MDGA2: variants seen among roughly 807,000 people sequenced by gnomAD.
MDGA2 encodes the protein MAM domain-containing glycosylphosphatidylinositol anchor protein 2.
Under a neutral mutation model 117.8 loss-of-function variants are expected in MDGA2, and 40 were observed. That is an observed-to-expected ratio of 0.34 (90% CI 0.26 to 0.44). The LOEUF (loss-of-function observed/expected upper bound fraction) is 0.44, where lower values mean the gene tolerates loss of function less well. Among genes scored for constraint, MDGA2 ranks in the 20% least tolerant of loss-of-function variants. The pLI is 1.00. For synonymous variants in MDGA2, 452 were observed against 439.0 expected (o/e 1.03, Z -0.37); for missense variants, 1,123 against 1,250.6 (o/e 0.90, Z 1.54).
At chr14:47,420,511 A>C (rs967135072) in intron 1 of MDGA2, among the ~76,000 whole-genome samples, 2 of 152,176 alleles carry the variant, frequency 1.3e-5, no homozygotes, top group Non-Finnish European at 2.9e-5. Context: ...AGTAGAGGAG[A>C]AGAAAGAAGT....
chr14:47,525,774 G>T (rs1263106666), intron 1 of MDGA2, among the ~76,000 whole-genome samples: 3 of 150,680 alleles, frequency 2.0e-5, no homozygotes, highest in Admixed American at 6.6e-5. Flanking sequence ...TTTTATTATG[G>T]TGTGTCCAGA....
At chr14:46,973,812 G>A (rs1425690952) in intron 8 of MDGA2, among the ~76,000 whole-genome samples, 3 of 151,924 alleles carry the variant, frequency 2.0e-5, no homozygotes, top group Admixed American at 6.6e-5. Context: ...TTAAATAGCT[G>A]TTATAACAAA....
At chr14:46,958,819 CAT>C (rs1285647805) in intron 8 of MDGA2, among the ~76,000 whole-genome samples, 9 of 152,170 alleles carry the variant, frequency 5.9e-5, no homozygotes, top group Admixed American at 1.3e-4. Context: ...AAATAGTCCA[CAT>C]GTTTTCAATC....
At chr14:47,577,699 T>C (rs1896141471) in intron 1 of MDGA2, among the ~76,000 whole-genome samples, 1 of 152,168 alleles carries the variant, frequency 6.6e-6, no homozygotes, top group Non-Finnish European at 1.5e-5. Context: ...TCAACATCAC[T>C]GATCATTAGA....
intron 8 of MDGA2, among the ~76,000 whole-genome samples, chr14:47,029,359 C>T (rs1888580998): frequency 1.3e-5 from 2 of 152,062 alleles, no homozygotes; most frequent in Admixed American, 1.3e-4. Flanking sequence ...TATTTTCTTT[C>T]ATAATTTTTC....
At chr14:46,839,908 T>G (rs1880539841), downstream of MDGA2, among the ~76,000 whole-genome samples, 1 of 152,018 alleles carries the variant, frequency 6.6e-6, no homozygotes. Context: ...AAGGTTTAAC[T>G]GCTTTCTGCA....
At chr14:47,145,654 T>A (rs1882912959) in intron 3 of MDGA2, among the ~76,000 whole-genome samples, 1 of 152,130 alleles carries the variant, frequency 6.6e-6, no homozygotes, top group African/African-American at 2.4e-5. Flanking sequence ...GGTCTTCAAT[T>A]TCCTTGTCAG....
intron 6 of MDGA2, among the ~76,000 whole-genome samples, chr14:47,082,858 T>C (rs1013172058): frequency 2.0e-5 from 3 of 151,904 alleles, no homozygotes; most frequent in Non-Finnish European, 2.9e-5. Flanking sequence ...ATGAAAAATT[T>C]TGCCAGATAA....
intron 2 of MDGA2, among the ~76,000 whole-genome samples, chr14:47,233,491 C>T (rs988984187): frequency 1.3e-5 from 2 of 151,888 alleles, no homozygotes; most frequent in African/African-American, 4.8e-5. Context: ...CTTAAAAATC[C>T]AAATTTGTAC....
intron 1 of MDGA2, among the ~76,000 whole-genome samples, chr14:47,573,184 T>G (rs1022149919): frequency 3.9e-5 from 6 of 152,108 alleles, no homozygotes; most frequent in Non-Finnish European, 8.8e-5. Context: ...CCTGGAAACA[T>G]TAACAGATAT....
At position 47,218,036 on chromosome 14, in the gene MDGA2, T is replaced by A. The variant is rs1193329364; in HGVS notation, c.580A>T (p.Arg194Ter). The A allele has an allele frequency of 6.5e-7, 1 of 1,549,780 alleles. No individual in the cohort carries two copies. Reference sequence around the variant, plus strand: ...ATTTACTTACAGTATACATCCACTCTGATTGACTTTATCGCTGGAGACCCC... The same window carrying A: ...ATTTACTTACAGTATACATCCACTCAGATTGACTTTATCGCTGGAGACCCC... The part of the protein sequence containing the change: ...GLGSPAIKSI[R>*]VDVYYLDDPV... The change falls in exon 3 of 17, where the codon AGA becomes TGA. Residue 194 changes from arginine to a stop codon, truncating the protein, a stop_gained. Coordinates refer to ENST00000399232, the MANE Select transcript of MDGA2 (RefSeq NM_001113498.3). LOFTEE classifies it high-confidence loss of function.
intron 1 of MDGA2, among the ~76,000 whole-genome samples, chr14:47,375,124 G>T (rs1891448983): frequency 6.7e-6 from 1 of 149,976 alleles, no homozygotes. Flanking sequence ...TATAAAAATA[G>T]TATCTACTTC....
intron 2 of MDGA2, among the ~76,000 whole-genome samples, chr14:47,252,291 A>C (rs1566703647): frequency 6.6e-6 from 1 of 152,194 alleles, no homozygotes; most frequent in Non-Finnish European, 1.5e-5. Flanking sequence ...TAAGAAATAA[A>C]TTACTAATTT....
rs555198552 is a variant in MDGA2, at chr14:46,950,882, A to T, written c.2089+6492T>A. On this transcript the variant is annotated intron_variant, in intron 9 of 16. Coordinates refer to ENST00000399232, the MANE Select transcript of MDGA2 (RefSeq NM_001113498.3). ...GTCACTGTTAATTCAGTCCAAATTT[A>T]AAAAAAAAAGATAAAATACTTTATT... 5.2e-4 allele frequency among the ~76,000 whole-genome samples: 72 copies of T among 138,106 alleles called. No homozygotes were observed. In the East Asian group the frequency reaches 0.01, roughly 19 times the overall value. 90.6% of individuals were successfully genotyped at this position (138,106 alleles called of 152,430 possible).
chr14:47,176,952 T>G (rs1419162966), intron 3 of MDGA2, among the ~76,000 whole-genome samples: 3 of 150,878 alleles, frequency 2.0e-5, no homozygotes, highest in South Asian at 2.1e-4. Context: ...AACAAATTTA[T>G]AAGAAAAAAA....
intron 6 of MDGA2, among the ~76,000 whole-genome samples, chr14:47,074,505 T>C (rs1890419082): frequency 6.6e-6 from 1 of 152,188 alleles, no homozygotes; most frequent in Admixed American, 6.5e-5. Flanking sequence ...TTTCACCGTG[T>C]TAGCCAGGAT....
At chr14:47,269,064 G>T (rs1036667639) in intron 2 of MDGA2, among the ~76,000 whole-genome samples, 31 of 152,226 alleles carry the variant, frequency 2.0e-4, no homozygotes, top group Non-Finnish European at 4.1e-4. Flanking sequence ...GTGGATTGAG[G>T]AAGGCTCCAA....
Position 46,957,954 on chromosome 14 carries a change from A to AT in MDGA2, c.1820-312dup, listed in dbSNP as rs372618966. Among the ~76,000 whole-genome samples the AT allele has an allele frequency of 4.4e-3, 676 of 152,266 alleles. 4 individuals are homozygous for AT. Among genetic ancestry groups the AT allele is most frequent in the Non-Finnish European group, 7.5e-3 (512 of 68,022 alleles). On this transcript the variant is annotated intron_variant, in intron 8 of 16. Coordinates refer to ENST00000399232, the MANE Select transcript of MDGA2 (RefSeq NM_001113498.3). ...TTTCCTATTAATTCTAATATTATCA[A>AT]TATATTCCTTTTTTGTTTGTTTGGG...
chr14:47,323,311 T>C (rs1283965729), intron 1 of MDGA2, among the ~76,000 whole-genome samples: 4 of 151,424 alleles, frequency 2.6e-5, no homozygotes, highest in Non-Finnish European at 2.9e-5. Flanking sequence ...TGTGATGAAA[T>C]TGATGGTTCA....
Sources: allele counts gnomAD v4.1 joint callset (sites outside exome capture counted in the v4.1 genomes callset), GRCh38; gene constraint gnomAD v4.1.1; transcripts MANE v1.5; gene names NCBI Gene and HGNC (gene_info 2026-07-23, HGNC 2026-07-21).